The following GPC5 variants were observed in gnomAD, a reference collection of about 807,000 sequenced individuals.
GPC5 encodes the protein glypican 5.
In GPC5, 47 loss-of-function variants were observed where a neutral mutation model predicts 53.9. The observed-to-expected ratio is 0.87, with a 90% confidence interval of 0.69 to 1.11. The LOEUF (loss-of-function observed/expected upper bound fraction) is 1.11, where lower values mean the gene tolerates loss of function less well. Among genes scored for constraint, GPC5 ranks in the 50% most tolerant of loss-of-function variants. GPC5 has a pLI of 0.00. For synonymous variants in GPC5, 286 were observed against 263.3 expected (o/e 1.09, Z -0.84); for missense variants, 748 against 713.1 (o/e 1.05, Z -0.56).
intron 7 of GPC5, among the ~76,000 whole-genome samples, chr13:92,562,911 C>T (rs762457738): frequency 1.9e-4 from 29 of 151,938 alleles, no homozygotes; most frequent in Non-Finnish European, 2.9e-4. Context: ...TAAACCATCA[C>T]ATTATGTACC....
intron 2 of GPC5, among the ~76,000 whole-genome samples, chr13:91,463,115 C>T (rs927387152): frequency 6.6e-6 from 1 of 152,016 alleles, no homozygotes; most frequent in Non-Finnish European, 1.5e-5. Context: ...CACAGAAGCT[C>T]AGGCCCCCCA....
chr13:92,313,408 AC>A (rs2043158530), intron 7 of GPC5, among the ~76,000 whole-genome samples: 1 of 152,338 alleles, frequency 6.6e-6, no homozygotes, highest in East Asian at 1.9e-4. Context: ...TCTGAATTTT[AC>A]CCAAGGACAG....
At chr13:91,659,744 TC>T (rs1485826360) in intron 2 of GPC5, among the ~76,000 whole-genome samples, 1 of 152,056 alleles carries the variant, frequency 6.6e-6, no homozygotes, top group Admixed American at 6.6e-5. Context: ...TTACCACCTG[TC>T]CCCCACCGCC....
chr13:92,857,373 A>T (rs1879033910), intron 7 of GPC5, among the ~76,000 whole-genome samples: 1 of 152,154 alleles, frequency 6.6e-6, no homozygotes, highest in Non-Finnish European at 1.5e-5. Context: ...TCCCAGAAGA[A>T]AACATAGGAA....
chr13:92,174,554 A>AC (rs940405398), intron 7 of GPC5, among the ~76,000 whole-genome samples: 5 of 151,544 alleles, frequency 3.3e-5, no homozygotes, highest in Admixed American at 6.6e-5. Context: ...AAAAAAACAA[A>AC]AACAACAACA....
intron 7 of GPC5, among the ~76,000 whole-genome samples, chr13:92,235,818 T>G (rs1284682599): frequency 6.6e-6 from 1 of 152,130 alleles, no homozygotes; most frequent in Non-Finnish European, 1.5e-5. Flanking sequence ...TGTAGTTATC[T>G]TCTCAAAGTC....
intron 7 of GPC5, among the ~76,000 whole-genome samples, chr13:92,514,680 G>C (rs905278465): frequency 1.4e-4 from 21 of 152,084 alleles, no homozygotes; most frequent in African/African-American, 5.1e-4. Context: ...AGTGCTATAT[G>C]GCCTTCAAGA....
chr13:92,508,310 CA>C (rs1342503188), intron 7 of GPC5, among the ~76,000 whole-genome samples: 1 of 151,968 alleles, frequency 6.6e-6, no homozygotes, highest in Non-Finnish European at 1.5e-5. Flanking sequence ...GTAAATCACC[CA>C]AATATATATA....
chr13:91,717,570 T>C (rs1010656649), intron 3 of GPC5, among the ~76,000 whole-genome samples: 1 of 152,020 alleles, frequency 6.6e-6, no homozygotes, highest in African/African-American at 2.4e-5. Context: ...CACATTTTTT[T>C]TTTTAGACGG....
chr13:91,468,610 A>G (rs967151176), intron 2 of GPC5, among the ~76,000 whole-genome samples: 7 of 152,118 alleles, frequency 4.6e-5, no homozygotes, highest in Non-Finnish European at 1.0e-4. Context: ...AGCCTTCAGA[A>G]GAAACTAACT....
At position 91,495,557 on chromosome 13, in the gene GPC5, A is replaced by G. The variant is rs561884226; in HGVS notation, c.325+46635A>G. On this transcript the variant is annotated intron_variant, in intron 2 of 7. Transcript: ENST00000377067. ...ACCACCTTGCTTTCCTCAAGCACTA[A>G]TGCAGGCTGCAGCTTCTGAGCTTTG... Among the ~76,000 whole-genome samples the G allele has an allele frequency of 6.7e-4, 102 of 152,252 alleles. 3 individuals are homozygous for G. The South Asian group carries it at 0.019, about 28-fold the overall frequency.
chr13:92,172,501 C>A (rs1275622569), intron 7 of GPC5, among the ~76,000 whole-genome samples: 1 of 152,100 alleles, frequency 6.6e-6, no homozygotes, highest in African/African-American at 2.4e-5. Flanking sequence ...GAAGAAGAAT[C>A]AATTTTGAAA....
chr13:92,264,015 A>G (rs9589468), intron 7 of GPC5, among the ~76,000 whole-genome samples: 29,957 of 152,164 alleles, frequency 0.2, 3,091 homozygotes, highest in South Asian at 0.38. Flanking sequence ...TGATTTAATT[A>G]CTTCACATTG....
chr13:91,590,262 G>A (rs1171205175), intron 2 of GPC5, among the ~76,000 whole-genome samples: 4 of 151,524 alleles, frequency 2.6e-5, no homozygotes, highest in African/African-American at 9.7e-5. Flanking sequence ...ATATTTAAAA[G>A]GAATATTTGA....
intron 5 of GPC5, among the ~76,000 whole-genome samples, chr13:91,905,179 T>A: frequency 6.6e-6 from 1 of 152,044 alleles, no homozygotes; most frequent in Non-Finnish European, 1.5e-5. Context: ...TCATTACAAA[T>A]ATTCAACACA....
chr13:92,597,290 G>A (rs902349597), intron 7 of GPC5, among the ~76,000 whole-genome samples: 1 of 150,914 alleles, frequency 6.6e-6, no homozygotes, highest in Non-Finnish European at 1.5e-5. Flanking sequence ...AAAGGATGTA[G>A]AGAAAAGGAA....
intron 7 of GPC5, among the ~76,000 whole-genome samples, chr13:92,396,955 C>T (rs12427481): frequency 0.028 from 4,297 of 152,280 alleles, 133 homozygotes; most frequent in East Asian, 0.11. Flanking sequence ...ATGGAAAACA[C>T]TCTGGGCATA....
At chr13:91,546,464 T>C (rs1026522598) in intron 2 of GPC5, among the ~76,000 whole-genome samples, 1 of 152,142 alleles carries the variant, frequency 6.6e-6, no homozygotes, top group Admixed American at 6.6e-5. Flanking sequence ...GGAATTTTGA[T>C]AAGCCAAACA....
chr13:91,785,714 T>C (rs1221580449), intron 5 of GPC5, among the ~76,000 whole-genome samples: 1 of 152,218 alleles, frequency 6.6e-6, no homozygotes, highest in Non-Finnish European at 1.5e-5. Flanking sequence ...GCTCAAAATC[T>C]TGTCTTTAAT....
Sources: allele counts gnomAD v4.1 joint callset (sites outside exome capture counted in the v4.1 genomes callset), GRCh38; gene constraint gnomAD v4.1.1; transcripts MANE v1.5; gene names NCBI Gene and HGNC (gene_info 2026-07-23, HGNC 2026-07-21).